The following RYR3 variants were observed in gnomAD, a reference collection of about 807,000 sequenced individuals.
RYR3 encodes brain ryanodine receptor-calcium release channel.
Under a neutral mutation model 584.3 loss-of-function variants are expected in RYR3, and 207 were observed. The observed-to-expected ratio is 0.35, with a 90% CI of 0.32 to 0.40. The LOEUF is 0.40. RYR3 is among the 10% of genes least tolerant of loss of function. RYR3 has a pLI of 1.00. For synonymous variants in RYR3, 2,416 were observed against 2,248.5 expected, an observed-to-expected ratio of 1.07 and a Z score of -2.11; for missense variants, 5,616 against 6,089.2, an observed-to-expected ratio of 0.92 and a Z score of 2.59.
At chr15:33,653,065 A>T (rs542058542) in intron 32 of RYR3, among the ~76,000 whole-genome samples, 182 bp downstream of exon 32, 1 of 152,340 alleles carries the variant, frequency 6.6e-6, no homozygotes, top group South Asian at 2.1e-4. Context: ...TATGCAGAGA[A>T]AAAAAGGCTG....
intron 18 of RYR3, among the ~76,000 whole-genome samples, chr15:33,610,664 C>G (rs1449691999): frequency 6.6e-6 from 1 of 152,178 alleles, no homozygotes; most frequent in Non-Finnish European, 1.5e-5. Flanking sequence ...GGTTGAGTAT[C>G]CCTTATTCGA....
chr15:33,794,498 G>A (rs1272444931), intron 67 of RYR3, among the ~76,000 whole-genome samples: 2 of 150,812 alleles, frequency 1.3e-5, no homozygotes, highest in African/African-American at 2.4e-5. Context: ...GAAGGAAATC[G>A]CCAGAGTTTG....
intron 27 of RYR3, among the ~76,000 whole-genome samples, chr15:33,643,162 C>G (rs1319743800): frequency 6.6e-6 from 1 of 152,126 alleles, no homozygotes; most frequent in Non-Finnish European, 1.5e-5. Flanking sequence ...CCCGAAATGA[C>G]CACTCTTATC....
rs2053197872 is a variant in RYR3, at chr15:33,513,215, T to C, written c.279+9477T>C. 3.3e-5 allele frequency among the ~76,000 whole-genome samples: 5 copies of C among 152,348 alleles called. No individual in the cohort carries two copies. In the South Asian group the frequency reaches 1.0e-3, roughly 32 times the overall value. ...AATAAATACCTGAGTTTAAATTACA[T>C]ATTTGTAGTGAGAAATGAATGAACT... On this transcript the variant is annotated intron_variant, in intron 3 of 103. Coordinates refer to ENST00000634891, the MANE Select transcript of RYR3 (RefSeq NM_001036.6).
intron 6 of RYR3, among the ~76,000 whole-genome samples, 154 bp from the exon 7 acceptor site, chr15:33,540,637 T>C (rs2055739456): frequency 6.6e-6 from 1 of 152,168 alleles, no homozygotes; most frequent in African/African-American, 2.4e-5. Context: ...TGAAGCTGCT[T>C]CTAGATCAGG....
intron 101 of RYR3, among the ~76,000 whole-genome samples, 187 bp downstream of exon 101, chr15:33,860,846 A>G (rs1887928958): frequency 1.3e-5 from 2 of 151,208 alleles, no homozygotes; most frequent in Non-Finnish European, 2.9e-5. Flanking sequence ...TGCCTCCTCC[A>G]CTGTCCCACA....
At chr15:33,477,735 C>T (rs1411578681) in intron 2 of RYR3, among the ~76,000 whole-genome samples, 3 of 147,712 alleles carry the variant, frequency 2.0e-5, no homozygotes, top group South Asian at 2.1e-4. Context: ...ATTAGCCGGA[C>T]GTGGTGGCGG....
intron 1 of RYR3, among the ~76,000 whole-genome samples, chr15:33,393,489 CAT>C (rs925163313): frequency 1.1e-4 from 17 of 152,026 alleles, no homozygotes; most frequent in African/African-American, 3.4e-4. Context: ...GAGAAAGACT[CAT>C]ATTAAAAAAT....
intron 1 of RYR3, among the ~76,000 whole-genome samples, chr15:33,376,139 C>T (rs777122663): frequency 1.3e-5 from 2 of 152,168 alleles, no homozygotes; most frequent in African/African-American, 4.8e-5. Flanking sequence ...TTCTTCTCCC[C>T]GCCCCAGAGA....
chr15:33,496,062 G>C (rs2051392618), intron 2 of RYR3, among the ~76,000 whole-genome samples: 1 of 152,304 alleles, frequency 6.6e-6, no homozygotes, highest in Non-Finnish European at 1.5e-5. Context: ...CAGTTCCACT[G>C]TACCCCATGA....
At chr15:33,401,215 A>G (rs1048406220) in intron 1 of RYR3, among the ~76,000 whole-genome samples, 1 of 152,192 alleles carries the variant, frequency 6.6e-6, no homozygotes, top group Non-Finnish European at 1.5e-5. Flanking sequence ...AGGGCAAGTG[A>G]GCTAAGACAT....
intron 96 of RYR3, 25 bp downstream of exon 96, chr15:33,853,707 T>A: frequency 1.2e-6 from 2 of 1,606,804 alleles, no homozygotes; most frequent in Non-Finnish European, 1.7e-6. Context: ...GGAGTTCAAA[T>A]CCAAAGCAGC....
chr15:33,701,564 C>T (rs2066302982), intron 42 of RYR3, among the ~76,000 whole-genome samples: 1 of 152,062 alleles, frequency 6.6e-6, no homozygotes, highest in Non-Finnish European at 1.5e-5. Context: ...TTTCCCCATC[C>T]CTTTCTTTAA....
At chr15:33,791,699 T>C (rs1486438314) in intron 67 of RYR3, among the ~76,000 whole-genome samples, 1 of 151,964 alleles carries the variant, frequency 6.6e-6, no homozygotes, top group Non-Finnish European at 1.5e-5. Context: ...CAACCAAGAA[T>C]AGGAAGGAAG....
At chr15:33,528,570 CCAT>C (rs1240995664) in intron 3 of RYR3, among the ~76,000 whole-genome samples, 1 of 152,182 alleles carries the variant, frequency 6.6e-6, no homozygotes, top group Non-Finnish European at 1.5e-5. Flanking sequence ...ATCTCATCCC[CCAT>C]CATCAAACTT....
chr15:33,486,499 T>C (rs2050436816), intron 2 of RYR3, among the ~76,000 whole-genome samples: 1 of 152,170 alleles, frequency 6.6e-6, no homozygotes. Flanking sequence ...TCTGATAAGG[T>C]CATATTCACA....
intron 78 of RYR3, 105 bp from the exon 79 acceptor site, chr15:33,821,165 T>A: frequency 1.2e-6 from 1 of 831,764 alleles, no homozygotes; most frequent in Non-Finnish European, 2.0e-6. Flanking sequence ...TTGATGTGTG[T>A]TACCTTCCTT....
At chr15:33,503,871 T>C (rs1452055474) in intron 3 of RYR3, 133 bp downstream of exon 3, 3 of 629,544 alleles carry the variant, frequency 4.8e-6, no homozygotes, top group Non-Finnish European at 8.6e-6. Context: ...ATAGTAAATC[T>C]TTCTCCCTGA....
At chr15:33,509,120 A>G (rs544336031) in intron 3 of RYR3, among the ~76,000 whole-genome samples, 1 of 152,326 alleles carries the variant, frequency 6.6e-6, no homozygotes, top group South Asian at 2.1e-4. Flanking sequence ...ACAGGTGGCA[A>G]CATCATTAAA....
Sources: allele counts gnomAD v4.1 joint callset (sites outside exome capture counted in the v4.1 genomes callset), GRCh38; gene constraint gnomAD v4.1.1; transcripts MANE v1.5; gene names NCBI Gene and HGNC (gene_info 2026-07-23, HGNC 2026-07-21).